ERC1: variants seen among roughly 807,000 people sequenced by gnomAD.
ERC1 encodes ELKS/RAB6-interacting/CAST family member 1.
Under a neutral mutation model 132.0 loss-of-function variants are expected in ERC1, and 56 were observed. That is an observed-to-expected ratio of 0.42 (90% CI 0.34 to 0.53). The LOEUF is 0.53. Among genes scored for constraint, ERC1 ranks in the 20% least tolerant of loss-of-function variants. ERC1 has a pLI of 0.03. For synonymous variants in ERC1, 478 were observed against 476.1 expected (o/e 1.00, Z -0.05); for missense variants, 1,202 against 1,349.9 (o/e 0.89, Z 1.72).
chr12:1,399,309 T>C (rs1334604469), intron 16 of ERC1, among the ~76,000 whole-genome samples: 2 of 152,154 alleles, frequency 1.3e-5, no homozygotes, highest in African/African-American at 4.8e-5. Context: ...GCACATTGGC[T>C]TATTTTATAT....
At chr12:1,008,689 C>G (rs1964154976) in intron 1 of ERC1, among the ~76,000 whole-genome samples, 1 of 152,060 alleles carries the variant, frequency 6.6e-6, no homozygotes, top group Admixed American at 6.6e-5. Context: ...TTAGTTTTAT[C>G]AGAAATATTT....
chr12:1,054,876 C>T (rs180871890), intron 2 of ERC1, among the ~76,000 whole-genome samples: 9 of 152,018 alleles, frequency 5.9e-5, no homozygotes, highest in Admixed American at 1.3e-4. Context: ...ATATGTATAC[C>T]GTGTGTGATT....
chr12:1,046,875 C>A (rs1971156316), intron 2 of ERC1, among the ~76,000 whole-genome samples: 1 of 152,164 alleles, frequency 6.6e-6, no homozygotes, highest in African/African-American at 2.4e-5. Flanking sequence ...CTGCACTTGG[C>A]TAGCAGAGAA....
At chr12:1,347,571 A>G (rs1404057945) in intron 15 of ERC1, among the ~76,000 whole-genome samples, 1 of 152,192 alleles carries the variant, frequency 6.6e-6, no homozygotes, top group African/African-American at 2.4e-5. Context: ...TCTATTTTGA[A>G]GGTTCTTAAG....
chr12:1,431,488 T>C (rs570362805), intron 17 of ERC1, among the ~76,000 whole-genome samples: 8 of 152,136 alleles, frequency 5.3e-5, no homozygotes, highest in Non-Finnish European at 1.2e-4. Context: ...TTTATACATG[T>C]AGTTGAAAAT....
At chr12:1,271,323 G>A (rs182631236) in intron 14 of ERC1, among the ~76,000 whole-genome samples, 3 of 152,234 alleles carry the variant, frequency 2.0e-5, no homozygotes, top group East Asian at 1.9e-4. Flanking sequence ...GATTTAAAAC[G>A]TCTTTTGGAA....
At chr12:1,263,832 G>C (rs1239437759) in intron 14 of ERC1, among the ~76,000 whole-genome samples, 1 of 151,978 alleles carries the variant, frequency 6.6e-6, no homozygotes, top group Non-Finnish European at 1.5e-5. Context: ...TGGGATTACA[G>C]GTGCCTGCCA....
At chr12:1,370,875 G>A (rs1248788068) in intron 15 of ERC1, among the ~76,000 whole-genome samples, 2 of 152,060 alleles carry the variant, frequency 1.3e-5, no homozygotes, top group African/African-American at 2.4e-5. Flanking sequence ...CCAGAAGCGT[G>A]TGCCACCGCA....
intron 2 of ERC1, among the ~76,000 whole-genome samples, chr12:1,080,334 A>G (rs1040393245): frequency 5.3e-5 from 8 of 152,154 alleles, no homozygotes; most frequent in South Asian, 2.1e-4. Flanking sequence ...TTCTTTATCA[A>G]TTCGACTGCT....
chr12:1,178,283 A>T (rs1312414768), intron 8 of ERC1, among the ~76,000 whole-genome samples: 2 of 146,836 alleles, frequency 1.4e-5, no homozygotes, highest in African/African-American at 5.5e-5. Flanking sequence ...CGTTATTGGC[A>T]GGAGTTTTTG....
intron 16 of ERC1, among the ~76,000 whole-genome samples, chr12:1,378,420 G>A (rs1025319729): frequency 6.6e-6 from 1 of 152,164 alleles, no homozygotes; most frequent in African/African-American, 2.4e-5. Flanking sequence ...CCAGTTAGAT[G>A]AAAATCACCT....
At chr12:1,044,680 T>C (rs1318539125) in intron 2 of ERC1, among the ~76,000 whole-genome samples, 2 of 152,214 alleles carry the variant, frequency 1.3e-5, no homozygotes, top group African/African-American at 2.4e-5. Context: ...GTATGAAATA[T>C]ACCTTTCATG....
At chr12:1,187,234 G>C (rs538654231) in intron 11 of ERC1, among the ~76,000 whole-genome samples, 6 of 152,026 alleles carry the variant, frequency 3.9e-5, no homozygotes, top group African/African-American at 1.5e-4. Context: ...GGTCTTTAAG[G>C]GGTTTAAAAT....
intron 14 of ERC1, among the ~76,000 whole-genome samples, chr12:1,283,466 T>G (rs1449509678): frequency 6.6e-6 from 1 of 152,214 alleles, no homozygotes; most frequent in Non-Finnish European, 1.5e-5. Context: ...ACCAAGTGAT[T>G]CTAGCTGGAA....
chr12:1,308,586 C>A (rs1473021640), intron 15 of ERC1, among the ~76,000 whole-genome samples: 1 of 152,038 alleles, frequency 6.6e-6, no homozygotes, highest in East Asian at 1.9e-4. Flanking sequence ...TTAACAGTTC[C>A]TAACAGTTTG....
At chr12:1,121,638 A>G (rs7488441) in intron 7 of ERC1, among the ~76,000 whole-genome samples, 68,979 of 84,250 alleles carry the variant, frequency 0.82, 28,771 homozygotes, top group East Asian at 0.99. Flanking sequence ...ACAAAGGCTG[A>G]TGATCTCTAT....
intron 14 of ERC1, among the ~76,000 whole-genome samples, chr12:1,263,748 G>T (rs1227602333): frequency 1.3e-5 from 2 of 151,934 alleles, no homozygotes; most frequent in Non-Finnish European, 2.9e-5. Flanking sequence ...GGAGTGCGAT[G>T]GTGTGATCTC....
intron 14 of ERC1, among the ~76,000 whole-genome samples, chr12:1,272,592 G>T (rs564240665): frequency 6.6e-6 from 1 of 152,148 alleles, no homozygotes; most frequent in South Asian, 2.1e-4. Flanking sequence ...GTCTGTCTTA[G>T]ATCAATACAG....
intron 14 of ERC1, among the ~76,000 whole-genome samples, chr12:1,287,994 A>C (rs1015880788): frequency 6.6e-6 from 1 of 152,178 alleles, no homozygotes; most frequent in African/African-American, 2.4e-5. Context: ...TTCACATGGA[A>C]ATAAAAAGGA....
Sources: allele counts gnomAD v4.1 joint callset (sites outside exome capture counted in the v4.1 genomes callset), GRCh38; gene constraint gnomAD v4.1.1; transcripts MANE v1.5; gene names NCBI Gene and HGNC (gene_info 2026-07-23, HGNC 2026-07-21).